Variants in RGS10 observed in about 807,000 individuals in gnomAD.
RGS10 encodes regulator of G-protein signalling 10.
Under a neutral mutation model 23.5 loss-of-function variants are expected in RGS10, and 11 were observed. That is an observed-to-expected ratio of 0.47 (90% CI 0.29 to 0.77). The LOEUF (loss-of-function observed/expected upper bound fraction) is 0.77, where lower values mean the gene tolerates loss of function less well. Among genes scored for constraint, RGS10 ranks in the 30% least tolerant of loss-of-function variants. The probability of loss-of-function intolerance (pLI) is 0.08; values close to 1 mark genes in which losing one functional copy is unlikely to be tolerated. For synonymous variants in RGS10, 77 were observed against 83.2 expected (o/e 0.92, Z 0.41); for missense variants, 180 against 226.3 (o/e 0.80, Z 1.31).
At chr10:119,525,127 A>C (rs887794597) in intron 3 of RGS10, among the ~76,000 whole-genome samples, 11 of 152,196 alleles carry the variant, frequency 7.2e-5, no homozygotes, top group African/African-American at 2.4e-4. Flanking sequence ...AAGGATCCAA[A>C]TGTCCAGCTT....
chr10:119,530,378 G>A (rs1260603928), intron 1 of RGS10, among the ~76,000 whole-genome samples: 3 of 152,168 alleles, frequency 2.0e-5, no homozygotes, highest in Non-Finnish European at 4.4e-5. Flanking sequence ...ACATTCACCA[G>A]ATGACATGAG....
Position 119,521,898 on chromosome 10 carries a change from G to C in RGS10, c.255+4134C>G, listed in dbSNP as rs79875997. ...AAAAAATAACATTTCCACTCAACAA[G>C]GTCTTTACATACCTACCTGCCAGAC... On this transcript the variant is annotated intron_variant, in intron 3 of 4. Transcript: ENST00000369103. 4.9e-3 allele frequency among the ~76,000 whole-genome samples: 739 copies of C among 152,138 alleles called. 3 individuals are homozygous for C. Among genetic ancestry groups the C allele is most frequent in the Non-Finnish European group, 9.0e-3 (615 of 68,008 alleles).
chr10:119,521,798 C>A (rs1844221852), intron 3 of RGS10, among the ~76,000 whole-genome samples: 1 of 151,388 alleles, frequency 6.6e-6, no homozygotes, highest in Admixed American at 6.6e-5. Flanking sequence ...GGAATAATGT[C>A]TTCAAACTTC....
chr10:119,535,835 G>T (rs574162662), intron 1 of RGS10, among the ~76,000 whole-genome samples: 2 of 152,250 alleles, frequency 1.3e-5, no homozygotes, highest in African/African-American at 4.8e-5. Context: ...ACATGCACAG[G>T]CGTGCACACA....
intron 1 of RGS10, among the ~76,000 whole-genome samples, chr10:119,531,773 G>A (rs1206065908): frequency 1.3e-5 from 2 of 152,136 alleles, no homozygotes; most frequent in Non-Finnish European, 2.9e-5. Flanking sequence ...CCTCACCAGG[G>A]CCATGTCTGC....
chr10:119,535,495 TC>T (rs2133960931), intron 1 of RGS10, among the ~76,000 whole-genome samples: 1 of 152,306 alleles, frequency 6.6e-6, no homozygotes, highest in Non-Finnish European at 1.5e-5. Context: ...TGATGTCATA[TC>T]TAACAGAGAC....
intron 4 of RGS10, among the ~76,000 whole-genome samples, chr10:119,501,155 A>G (rs1843948825): frequency 2.0e-5 from 3 of 152,180 alleles, no homozygotes; most frequent in African/African-American, 7.2e-5. Context: ...GGGCAGAGAA[A>G]GAGAAGCACA....
In RGS10 at chr10:119,542,618, G is replaced by A. The variant is rs2133963982; in HGVS notation, c.21C>T (p.Ser7=). 1 of 1,426,778 alleles carries A rather than the reference G, an allele frequency of 7.0e-7. No homozygotes were observed. The highest frequency in any genetic ancestry group is 1.4e-5 in the South Asian group (1 of 72,084). 88.4% of individuals were successfully genotyped at this position (1,426,778 alleles called of 1,614,324 possible). MFNRAV[S]RLSRKRPPSD... is the part of the protein sequence containing the mutation. ...ACGGCGGCCGCTTCCTGCTCAGCCG[G>A]CTCACGGCGCGGTTGAACATCGCCG... The change falls in exon 1 of 5, where the codon AGC becomes AGT. Residue 7 remains serine, a synonymous_variant. Coordinates refer to ENST00000369103, the MANE Select transcript of RGS10 (RefSeq NM_001005339.2).
At position 119,501,274 on chromosome 10, in the gene RGS10, A is replaced by G. The variant is rs148906682; in HGVS notation, c.400-1015T>C. Among the ~76,000 whole-genome samples, 1,343 of 152,214 alleles carry G rather than the reference A, an allele frequency of 8.8e-3. 11 individuals carry two copies. The highest frequency in any genetic ancestry group is 0.014 in the Non-Finnish European group (983 of 68,008). Reference sequence around the variant, plus strand: ...GTACACTCTGCAACTAAAAATCCACATGGTTCACCCTGGTACACGGAACAA... The same window carrying G: ...GTACACTCTGCAACTAAAAATCCACGTGGTTCACCCTGGTACACGGAACAA... On this transcript the variant is annotated intron_variant, in intron 4 of 4. Transcript: ENST00000369103.
In RGS10 at chr10:119,517,241, C is replaced by T. The variant is rs1269616062; in HGVS notation, c.256-1589G>A. ...CACGGCCTGGCCATGTCCTGTTCTGCGAGAAAGCAAGCCTCACCAGCACTT... is the reference window on the plus strand; with the variant it reads ...CACGGCCTGGCCATGTCCTGTTCTGTGAGAAAGCAAGCCTCACCAGCACTT... On this transcript the variant is annotated intron_variant, in intron 3 of 4. Coordinates refer to ENST00000369103, the MANE Select transcript of RGS10 (RefSeq NM_001005339.2). This position sits in a 1 kb window ranked among gnomAD's most constrained non-coding sequence, Gnocchi z 5.0. Among the ~76,000 whole-genome samples the T allele has an allele frequency of 2.6e-5, 4 of 152,244 alleles. No homozygotes were observed. The highest frequency in any genetic ancestry group is 5.9e-5 in the Non-Finnish European group (4 of 68,046).
In RGS10 at chr10:119,500,068, A is replaced by C; in HGVS notation, c.*45T>G. The stretch of plus-strand genomic sequence containing the variant: ...TAAACCCGGCACGGTCCTGAGAGGA[A>C]ATTCCTTTGCTTCTTAAAGCTGCCA... On this transcript the variant is annotated 3_prime_UTR_variant, in exon 5 of 5. Coordinates refer to ENST00000369103, the MANE Select transcript of RGS10 (RefSeq NM_001005339.2). 1.3e-6 allele frequency: 2 copies of C among 1,599,752 alleles called. No individual in the cohort carries two copies. The highest frequency in any genetic ancestry group is 1.7e-6 in the Non-Finnish European group (2 of 1,173,944).
intron 4 of RGS10, among the ~76,000 whole-genome samples, chr10:119,504,208 G>C (rs1433989228): frequency 6.6e-6 from 1 of 152,146 alleles, no homozygotes; most frequent in South Asian, 2.1e-4. Context: ...TTGCTTTTTT[G>C]AGATGGAGTC....
At chr10:119,510,820 G>A (rs1037073093) in intron 4 of RGS10, among the ~76,000 whole-genome samples, 16 of 152,082 alleles carry the variant, frequency 1.1e-4, no homozygotes, top group Admixed American at 2.0e-4. Context: ...CTGGGTTCAC[G>A]CCATTCTCCT....
intron 4 of RGS10, among the ~76,000 whole-genome samples, chr10:119,501,559 C>T (rs2133943130): frequency 6.6e-6 from 1 of 152,068 alleles, no homozygotes; most frequent in Middle Eastern, 3.4e-3. Context: ...CCCGTCTCTA[C>T]TAAAAATACA....
intron 4 of RGS10, among the ~76,000 whole-genome samples, chr10:119,500,932 G>A (rs561569123): frequency 2.2e-4 from 33 of 152,230 alleles, no homozygotes; most frequent in African/African-American, 5.3e-4. Flanking sequence ...TCAGGTGAGC[G>A]AAGAGGACAC....
chr10:119,542,678 G>A lies in RGS10; in HGVS notation c.-40C>T, dbSNP rs566416601. On this transcript the variant is annotated 5_prime_UTR_variant, in exon 1 of 5. Transcript: ENST00000369103. ...GAGGAGGAAGAAGGAGCAGCCCGGC[G>A]GCGCGGCGGCTGAGCCGGAGGAAGG... is the stretch of plus-strand genomic sequence containing the variant. 20 of 1,336,594 alleles carry A rather than the reference G, an allele frequency of 1.5e-5. No homozygotes were observed. In the Middle Eastern group the frequency reaches 1.1e-3, roughly 75 times the overall value. The allele number at this position is 1,336,594 out of a possible 1,614,324, so 82.8% of individuals were successfully genotyped here.
intron 4 of RGS10, among the ~76,000 whole-genome samples, chr10:119,503,076 A>G (rs555505802): frequency 1.4e-4 from 21 of 152,260 alleles, no homozygotes; most frequent in African/African-American, 4.8e-4. Context: ...GGTGACTTAG[A>G]GGATGGAGAA....
chr10:119,518,270 G>C (rs1844169032), intron 3 of RGS10, among the ~76,000 whole-genome samples: 1 of 152,150 alleles, frequency 6.6e-6, no homozygotes, highest in Non-Finnish European at 1.5e-5. Context: ...TTTCTCCCTG[G>C]GGAGACCTGA....
Position 119,524,771 on chromosome 10 carries a change from C to T in RGS10, c.255+1261G>A, listed in dbSNP as rs1055328653. Among the ~76,000 whole-genome samples the T allele has an allele frequency of 8.5e-5, 13 of 152,150 alleles. No homozygotes were observed. Among genetic ancestry groups the T allele is most frequent in the Non-Finnish European group, 1.9e-4 (13 of 68,012 alleles). On this transcript the variant is annotated intron_variant, in intron 3 of 4. Transcript: ENST00000369103. The surrounding 1 kb of genome is among the most constrained non-coding windows in gnomAD (Gnocchi z 5.2). ...AAGGGTCCCGCCCAGTAACAGCTTTCGAGGTGGGCCTGGGAAGTTCAAGCC... is the reference window on the plus strand; with the variant it reads ...AAGGGTCCCGCCCAGTAACAGCTTTTGAGGTGGGCCTGGGAAGTTCAAGCC...
Sources: allele counts gnomAD v4.1 joint callset (sites outside exome capture counted in the v4.1 genomes callset), GRCh38; gene constraint gnomAD v4.1.1; non-coding constraint Gnocchi (gnomAD v3.1); transcripts MANE v1.5; gene names NCBI Gene and HGNC (gene_info 2026-07-23, HGNC 2026-07-21).